The following FOXP2 variants were observed in gnomAD, a reference collection of about 807,000 sequenced individuals.
FOXP2 encodes forkhead box P2.
Under a neutral mutation model 115.8 loss-of-function variants are expected in FOXP2, and 12 were observed. That is an observed-to-expected ratio of 0.10 (90% CI 0.07 to 0.17). The LOEUF is 0.17. FOXP2 is among the 10% of genes least tolerant of loss of function. The probability of loss-of-function intolerance (pLI) is 1.00; values close to 1 mark genes in which losing one functional copy is unlikely to be tolerated. For synonymous variants in FOXP2, 328 were observed against 297.7 expected, an observed-to-expected ratio of 1.10 and a Z score of -1.05; for missense variants, 629 against 843.5, an observed-to-expected ratio of 0.75 and a Z score of 3.15.
chr7:114,509,531 G>T (rs1797972572), intron 2 of FOXP2, among the ~76,000 whole-genome samples: 1 of 151,988 alleles, frequency 6.6e-6, no homozygotes, highest in South Asian at 2.1e-4. Flanking sequence ...TGAAGGTTTT[G>T]TTAATTTTTG....
intron 1 of FOXP2, among the ~76,000 whole-genome samples, chr7:114,150,551 C>T (rs1460000220): frequency 6.6e-6 from 1 of 151,900 alleles, no homozygotes; most frequent in Non-Finnish European, 1.5e-5. Context: ...ACATACAGTG[C>T]TACTTTATTA....
In FOXP2 at chr7:114,652,161, G is replaced by A. The variant is rs368371835; in HGVS notation, c.1095-42G>A. The A allele has an allele frequency of 9.4e-5, 149 of 1,585,174 alleles. No homozygotes were observed. The African/African-American group carries it at 1.4e-3, about 15-fold the overall frequency. On this transcript the variant is annotated intron_variant, in intron 8 of 16. Coordinates refer to ENST00000350908, the MANE Select transcript of FOXP2 (RefSeq NM_014491.4). ...AAGTGTAGCCTATGCCACTAAGATCGACATCACTTTACATTCTGTTTTGTG... is the reference window on the plus strand; with the variant it reads ...AAGTGTAGCCTATGCCACTAAGATCAACATCACTTTACATTCTGTTTTGTG...
intron 2 of FOXP2, among the ~76,000 whole-genome samples, chr7:114,532,283 A>G (rs1033778254): frequency 1.3e-5 from 2 of 151,928 alleles, no homozygotes; most frequent in African/African-American, 4.8e-5. Context: ...ATTGTGTGAT[A>G]GTTGTTCTAT....
At chr7:114,556,838 A>C (rs1800481819) in intron 3 of FOXP2, among the ~76,000 whole-genome samples, 1 of 152,214 alleles carries the variant, frequency 6.6e-6, no homozygotes, top group Non-Finnish European at 1.5e-5. Context: ...TTAAAAGTAT[A>C]TCTCTATAAG....
intron 7 of FOXP2, 128 bp from the exon 8 acceptor site, chr7:114,644,557 C>G: frequency 1.4e-6 from 1 of 733,984 alleles, no homozygotes; most frequent in Non-Finnish European, 2.4e-6. Context: ...TTAAATTTTT[C>G]TGACTGCTCT....
At chr7:114,297,145 GC>G in intron 2 of FOXP2, 1 of 485,000 alleles carries the variant, frequency 2.1e-6, no homozygotes, top group South Asian at 1.7e-5. Flanking sequence ...TCCTCATGGC[GC>G]CCAGAACGTT....
intron 2 of FOXP2, among the ~76,000 whole-genome samples, chr7:114,482,033 T>C (rs898663241): frequency 1.3e-5 from 2 of 151,354 alleles, no homozygotes; most frequent in African/African-American, 4.8e-5. Flanking sequence ...TTAGTTACTA[T>C]TCCTCCTAGT....
intron 3 of FOXP2, among the ~76,000 whole-genome samples, chr7:114,567,684 C>T (rs940920776): frequency 3.9e-5 from 6 of 151,974 alleles, no homozygotes; most frequent in Non-Finnish European, 5.9e-5. Context: ...GGTTGCCTCC[C>T]GGAGATCCAT....
intron 6 of FOXP2, among the ~76,000 whole-genome samples, chr7:114,637,622 C>T (rs1339338233): frequency 6.6e-6 from 1 of 152,200 alleles, no homozygotes; most frequent in Non-Finnish European, 1.5e-5. Flanking sequence ...ACAGAAATCC[C>T]TGCCATCATA....
intron 2 of FOXP2, among the ~76,000 whole-genome samples, chr7:114,341,310 T>C (rs1791207277): frequency 6.6e-6 from 1 of 151,234 alleles, no homozygotes; most frequent in Non-Finnish European, 1.5e-5. Context: ...ATCGTCTTTA[T>C]TTTTCAGTTG....
At chr7:114,309,679 T>C (rs1452655176) in intron 2 of FOXP2, among the ~76,000 whole-genome samples, 2 of 152,148 alleles carry the variant, frequency 1.3e-5, no homozygotes, top group African/African-American at 2.4e-5. Flanking sequence ...ATATTTTTTT[T>C]CTTTGAGACA....
intron 1 of FOXP2, among the ~76,000 whole-genome samples, chr7:114,180,918 T>TA (rs956039100): frequency 7.9e-5 from 12 of 151,338 alleles, no homozygotes; most frequent in Admixed American, 5.3e-4. Flanking sequence ...ATTACCTTTT[T>TA]AAAAAAAAAT....
chr7:114,492,298 C>T (rs1797100300), intron 2 of FOXP2, among the ~76,000 whole-genome samples: 1 of 151,760 alleles, frequency 6.6e-6, no homozygotes, highest in African/African-American at 2.4e-5. Context: ...TGATTCTTCT[C>T]TCTTTCCTTC....
intron 2 of FOXP2, among the ~76,000 whole-genome samples, chr7:114,400,104 C>T (rs1054934161): frequency 5.9e-5 from 9 of 152,014 alleles, no homozygotes; most frequent in Non-Finnish European, 1.0e-4. Flanking sequence ...GTGATCCACC[C>T]GCCTTGGCCT....
At chr7:114,510,025 AG>A (rs1797998345) in intron 2 of FOXP2, among the ~76,000 whole-genome samples, 1 of 152,286 alleles carries the variant, frequency 6.6e-6, no homozygotes, top group South Asian at 2.1e-4. Flanking sequence ...GATAAGAAAA[AG>A]GAAATGTAGA....
At chr7:114,386,729 A>T (rs762237819) in intron 2 of FOXP2, among the ~76,000 whole-genome samples, 1 of 152,208 alleles carries the variant, frequency 6.6e-6, no homozygotes, top group Non-Finnish European at 1.5e-5. Context: ...GGAGAGGAGG[A>T]TAATTTCTTA....
At chr7:114,533,813 C>G (rs1584862480) in intron 2 of FOXP2, among the ~76,000 whole-genome samples, 1 of 151,808 alleles carries the variant, frequency 6.6e-6, no homozygotes, top group Non-Finnish European at 1.5e-5. Context: ...ATGGCACTAG[C>G]TTTTATATGT....
At chr7:114,395,661 C>A (rs1319936464) in intron 2 of FOXP2, among the ~76,000 whole-genome samples, 1 of 151,924 alleles carries the variant, frequency 6.6e-6, no homozygotes, top group Non-Finnish European at 1.5e-5. Flanking sequence ...CTTGATATGA[C>A]CAAAACATGA....
chr7:114,350,037 T>A (rs749812018), intron 2 of FOXP2, among the ~76,000 whole-genome samples: 7 of 152,184 alleles, frequency 4.6e-5, no homozygotes, highest in Non-Finnish European at 1.0e-4. Flanking sequence ...TAGCACTATA[T>A]AACAAGAAGC....
Sources: allele counts gnomAD v4.1 joint callset (sites outside exome capture counted in the v4.1 genomes callset), GRCh38; gene constraint gnomAD v4.1.1; transcripts MANE v1.5; gene names NCBI Gene and HGNC (gene_info 2026-07-23, HGNC 2026-07-21).